The following IL1F10 variants were observed in gnomAD, a reference collection of about 807,000 sequenced individuals.
IL1F10 encodes interleukin-1 family member 10.
IL1F10 carries 13 observed loss-of-function variants against 13.1 expected under a neutral mutation model. The ratio of observed to expected loss-of-function variants is 0.99; its 90% CI spans 0.64 to 1.57. The LOEUF is 1.57. IL1F10 is among the 40% of genes most tolerant of loss of function. The pLI, the probability that IL1F10 is intolerant of heterozygous loss-of-function variation, is 0.00. For synonymous variants in IL1F10, 78 were observed against 68.2 expected (o/e 1.14, Z -0.71); for missense variants, 191 against 184.1 (o/e 1.04, Z -0.22).
chr2:113,073,841 C>T (rs1380696046), intron 2 of IL1F10, among the ~76,000 whole-genome samples: 1 of 152,208 alleles, frequency 6.6e-6, no homozygotes, highest in Non-Finnish European at 1.5e-5. Flanking sequence ...AGCTAATACC[C>T]TGCATGACTT....
chr2:113,072,935 G>A (rs942657825), intron 2 of IL1F10, among the ~76,000 whole-genome samples, 165 bp downstream of exon 2: 8 of 152,170 alleles, frequency 5.3e-5, no homozygotes, highest in African/African-American at 1.2e-4. Context: ...TTTCCTGAAC[G>A]TCTGCAAGAT....
At chr2:113,073,417 G>C (rs963113926) in intron 2 of IL1F10, among the ~76,000 whole-genome samples, 3 of 152,166 alleles carry the variant, frequency 2.0e-5, no homozygotes, top group Non-Finnish European at 4.4e-5. Context: ...GGTGGGTGGG[G>C]AGCAGTCCTG....
At chr2:113,074,948 G>C in intron 4 of IL1F10, 98 bp downstream of exon 4, 1 of 1,438,636 alleles carries the variant, frequency 7.0e-7, no homozygotes. Flanking sequence ...TCCCAGCCAG[G>C]TCCACATGTC....
rs1263416793 is a variant in IL1F10, at chr2:113,074,836, T to C, written c.232T>C (p.Ser78Pro). 6.2e-7 allele frequency: 1 copy of C among 1,612,210 alleles called. No individual in the cohort carries two copies. The highest frequency in any genetic ancestry group is 1.7e-5 in the Admixed American group (1 of 59,954). The stretch of plus-strand genomic sequence containing the variant: ...ATGTGTGGAGACAGAAGAGGGGCCT[T>C]CCCTACAGCTGGAGGTGAGAGGCCT... ...LACVETEEGP[S>P]LQLEDVNIEE... The change falls in exon 4 of 5, where the codon TCC becomes CCC. Residue 78 changes from serine to proline, a missense_variant. Transcript: ENST00000341010.
chr2:113,070,991 G>T (rs780979204), intron 1 of IL1F10, among the ~76,000 whole-genome samples: 19 of 152,160 alleles, frequency 1.2e-4, no homozygotes, highest in Non-Finnish European at 2.1e-4. Context: ...AGGAGCCAAT[G>T]ACTTTAACTG....
intron 1 of IL1F10, among the ~76,000 whole-genome samples, chr2:113,071,599 A>T (rs1685835801): frequency 6.6e-6 from 1 of 152,206 alleles, no homozygotes; most frequent in African/African-American, 2.4e-5. Flanking sequence ...GTCCAAAGTG[A>T]CAGTGACAGA....
rs866338794 is a variant in IL1F10, at chr2:113,074,740, C to T, written c.136C>T (p.Pro46Ser). The change falls in exon 4 of 5, where the codon CCT becomes TCT. Residue 46 changes from proline to serine, a missense_variant. By Grantham distance (74) the Pro-to-Ser change is moderately conservative. Transcript: ENST00000341010. Reference sequence around the variant, plus strand: ...CCTCCTAGAGAAGATCTGCATACTTCCTAACAGAGGCTTGGCCCGCACCAA... The same window carrying T: ...CCTCCTAGAGAAGATCTGCATACTTTCTAACAGAGGCTTGGCCCGCACCAA... ...NCCAEKICIL[P>S]NRGLARTKVP... 25 of 1,613,698 alleles carry T rather than the reference C, an allele frequency of 1.5e-5. No homozygotes were observed. Among genetic ancestry groups the T allele is most frequent in the Non-Finnish European group, 2.1e-5 (25 of 1,179,602 alleles).
chr2:113,073,714 A>G (rs1685886727), intron 2 of IL1F10, among the ~76,000 whole-genome samples: 1 of 152,210 alleles, frequency 6.6e-6, no homozygotes, highest in Non-Finnish European at 1.5e-5. Flanking sequence ...TTATTGAGAT[A>G]GAAAAATCCC....
intron 3 of IL1F10, 93 bp downstream of exon 3, chr2:113,074,507 C>T: frequency 8.8e-7 from 1 of 1,138,634 alleles, no homozygotes; most frequent in Non-Finnish European, 1.3e-6. Flanking sequence ...TCAGCAGCTG[C>T]CCCCAGTGAC....
chr2:113,068,455 C>G (rs770955326), intron 1 of IL1F10, among the ~76,000 whole-genome samples: 1 of 151,738 alleles, frequency 6.6e-6, no homozygotes, highest in Non-Finnish European at 1.5e-5. Context: ...AAGCAGCTGC[C>G]CTTTATCCTT....
intron 4 of IL1F10, 53 bp from the exon 5 acceptor site, chr2:113,075,099 C>A: frequency 2.0e-6 from 3 of 1,517,810 alleles, no homozygotes; most frequent in Non-Finnish European, 2.7e-6. Context: ...GCCTCCAGGG[C>A]TAACACCTCC....
At position 113,075,499 on chromosome 2, in the gene IL1F10, C is replaced by T. The variant is rs891789502; in HGVS notation, c.*135C>T. On this transcript the variant is annotated 3_prime_UTR_variant, in exon 5 of 5. Coordinates refer to ENST00000341010, the MANE Select transcript of IL1F10 (RefSeq NM_173161.3). ...CAAGATCTGTGCATATGTTACCATA[C>T]ATGTCCAAAGAGGTTTTGCAAATGT... The T allele has an allele frequency of 6.9e-6, 4 of 579,804 alleles. No individual in the cohort carries two copies. The highest frequency in any genetic ancestry group is 5.7e-5 in the African/African-American group (3 of 52,742). 35.9% of individuals were successfully genotyped at this position (579,804 alleles called of 1,614,324 possible).
At chr2:113,071,348 T>C (rs1685831352) in intron 1 of IL1F10, among the ~76,000 whole-genome samples, 1 of 152,270 alleles carries the variant, frequency 6.6e-6, no homozygotes, top group Non-Finnish European at 1.5e-5. Context: ...TTCAGATTTT[T>C]TTCAACTTCT....
intron 1 of IL1F10, among the ~76,000 whole-genome samples, chr2:113,068,354 T>G (rs1047203928): frequency 2.1e-4 from 32 of 151,862 alleles, no homozygotes; most frequent in Non-Finnish European, 4.0e-4. Flanking sequence ...TTTTTTTTTT[T>G]TGTGCTCCTT....
At position 113,074,561 on chromosome 2, in the gene IL1F10, G is replaced by C. The variant is rs113038973; in HGVS notation, c.118+147G>C. 7.3e-6 allele frequency: 8 copies of C among 1,092,544 alleles called. No homozygotes were observed. In the African/African-American group the frequency reaches 7.7e-5, roughly 11 times the overall value. 67.7% of individuals were successfully genotyped at this position (1,092,544 alleles called of 1,614,324 possible). A position where few individuals can be genotyped will look rare whatever the true frequency, so the allele number is the denominator to read the frequency against. On this transcript the variant is annotated intron_variant, in intron 3 of 4. Transcript: ENST00000341010. ...GCAGCTGTGGCCTCTCCTAGCGAGGGGACATGACTCCTGCAGAAGTCCTGG... is the reference window on the plus strand; with the variant it reads ...GCAGCTGTGGCCTCTCCTAGCGAGGCGACATGACTCCTGCAGAAGTCCTGG...
chr2:113,070,806 C>T (rs895805393), intron 1 of IL1F10, among the ~76,000 whole-genome samples: 1 of 152,132 alleles, frequency 6.6e-6, no homozygotes, highest in African/African-American at 2.4e-5. Flanking sequence ...ACAAGAACTG[C>T]AGGTGGTTTA....
intron 2 of IL1F10, 32 bp from the exon 3 acceptor site, chr2:113,074,297 A>C: frequency 7.2e-7 from 1 of 1,397,000 alleles, no homozygotes; most frequent in Non-Finnish European, 1.0e-6. Context: ...GCATAAAGGG[A>C]ATGGGCCATC....
chr2:113,070,061 G>A (rs969666374), intron 1 of IL1F10, among the ~76,000 whole-genome samples: 45 of 152,334 alleles, frequency 3.0e-4, no homozygotes, highest in African/African-American at 9.9e-4. Context: ...GCCAGGACAG[G>A]TGAATTGCGG....
chr2:113,075,634 T>C lies in IL1F10; in HGVS notation c.*270T>C, dbSNP rs1010641974. On this transcript the variant is annotated 3_prime_UTR_variant, in exon 5 of 5. Transcript: ENST00000341010. ...GGAGAGTCAGAGAGAGAATGGAAGATACCATGCTTCTAATTTTGAAGATGG... is the reference window on the plus strand; with the variant it reads ...GGAGAGTCAGAGAGAGAATGGAAGACACCATGCTTCTAATTTTGAAGATGG... 1.2e-5 allele frequency: 3 copies of C among 256,298 alleles called. No homozygotes were observed. Among genetic ancestry groups the C allele is most frequent in the Admixed American group, 5.3e-5 (1 of 18,804 alleles). 15.9% of individuals were successfully genotyped at this position (256,298 alleles called of 1,614,324 possible).
Sources: allele counts gnomAD v4.1 joint callset (sites outside exome capture counted in the v4.1 genomes callset), GRCh38; gene constraint gnomAD v4.1.1; transcripts MANE v1.5; gene names NCBI Gene and HGNC (gene_info 2026-07-23, HGNC 2026-07-21).